The following PPARA variants were observed in gnomAD, a reference collection of about 807,000 sequenced individuals.
The protein encoded by PPARA is peroxisome proliferator-activated receptor alpha.
A neutral mutation model predicts 42.2 loss-of-function variants in PPARA; 22 were observed. That is an observed-to-expected ratio of 0.52 (90% CI 0.37 to 0.74). The LOEUF is 0.74. PPARA is among the 30% of genes least tolerant of loss of function. The pLI, the probability that PPARA is intolerant of heterozygous loss-of-function variation, is 0.00. For synonymous variants in PPARA, 242 were observed against 239.3 expected (o/e 1.01, Z -0.10); for missense variants, 465 against 608.2 (o/e 0.76, Z 2.48).
At chr22:46,177,084 G>A (rs866822500) in intron 3 of PPARA, among the ~76,000 whole-genome samples, 10 of 152,044 alleles carry the variant, frequency 6.6e-5, no homozygotes, top group Non-Finnish European at 8.8e-5. Context: ...GGTGGCAGGC[G>A]CCTGTAGTCC....
Position 46,163,457 on chromosome 22 carries a change from T to C in PPARA, c.-127+11487T>C, listed in dbSNP as rs1160415384. 6.6e-6 allele frequency: 1 copy of C among 152,218 alleles called. No homozygotes were observed. Among genetic ancestry groups the C allele is most frequent in the Admixed American group, 6.5e-5 (1 of 15,278 alleles). The allele number at this position is 152,218 out of a possible 1,614,324, so 9.4% of individuals were successfully genotyped here. A position where few individuals can be genotyped will look rare whatever the true frequency, so the allele number is the denominator to read the frequency against. On this transcript the variant is annotated intron_variant, in intron 2 of 8. Transcript: ENST00000407236. The surrounding 1 kb of genome is among the most constrained non-coding windows in gnomAD (Gnocchi z 4.9). ...CAGCCTTTGCTCCGTCACTGATAGTTCTAGCCTGAAAAGCAAATGAGCCCT... is the reference window on the plus strand; with the variant it reads ...CAGCCTTTGCTCCGTCACTGATAGTCCTAGCCTGAAAAGCAAATGAGCCCT...
intron 2 of PPARA, among the ~76,000 whole-genome samples, chr22:46,169,099 C>T (rs187461166): frequency 3.3e-5 from 5 of 151,814 alleles, no homozygotes; most frequent in Admixed American, 2.0e-4. Flanking sequence ...TGTATGGTAC[C>T]GTAACGATGA....
Position 46,207,670 on chromosome 22 carries a change from TATTA to T in PPARA, c.209-7502_209-7499del, listed in dbSNP as rs1433628720. Among the ~76,000 whole-genome samples, 94 of 114,102 alleles carry T rather than the reference TATTA, an allele frequency of 8.2e-4. 2 individuals carry two copies. The highest frequency in any genetic ancestry group is 4.0e-3 in the African/African-American group (89 of 22,230). The allele number at this position is 114,102 out of a possible 152,430, so 74.9% of individuals were successfully genotyped here. On this transcript the variant is annotated intron_variant, in intron 4 of 8. Transcript: ENST00000407236. ...TTATTATTATTATTATTATTATTAT[TATTA>T]TTATTTTTTTTTTTTTTTTTTTTTT...
chr22:46,174,276 A>AGGAAGGAAGGAAGGAAGG (rs1236515954), intron 2 of PPARA, among the ~76,000 whole-genome samples: 31 of 150,638 alleles, frequency 2.1e-4, no homozygotes, highest in Non-Finnish European at 3.1e-4. Flanking sequence ...GAAGGAAGGA[A>AGGAAGGAAGGAAGGAAGG]ATTATGATAA....
chr22:46,174,190 A>AGAGAGAGAG (rs1569196606), intron 2 of PPARA, among the ~76,000 whole-genome samples: 1 of 126,814 alleles, frequency 7.9e-6, no homozygotes, highest in Non-Finnish European at 1.6e-5. Context: ...AGAAGGAAGA[A>AGAGAGAGAG]AGAGAGAGAG....
chr22:46,216,606 G>A lies in PPARA; in HGVS notation c.369+1273G>A, dbSNP rs1934515450. Among the ~76,000 whole-genome samples, 1 of 152,176 alleles carries A rather than the reference G, an allele frequency of 6.6e-6. No homozygotes were observed. The highest frequency in any genetic ancestry group is 2.1e-4 in the South Asian group (1 of 4,834). ...CAGCAGGGACTGGAACCAGAGACTG[G>A]CTGCTCCTGCTCCCCAGCAGTTCCT... On this transcript the variant is annotated intron_variant, in intron 5 of 8. Coordinates refer to ENST00000407236, the MANE Select transcript of PPARA (RefSeq NM_005036.6). The surrounding 1 kb of genome is among the most constrained non-coding windows in gnomAD (Gnocchi z 4.5).
At chr22:46,166,231 AT>A (rs772168855) in intron 2 of PPARA, among the ~76,000 whole-genome samples, 1 of 152,172 alleles carries the variant, frequency 6.6e-6, no homozygotes, top group East Asian at 1.9e-4. Context: ...GTCCCTGAGC[AT>A]CTGTCGGTCA....
chr22:46,154,710 T>A (rs922399993), intron 2 of PPARA, among the ~76,000 whole-genome samples: 2 of 151,864 alleles, frequency 1.3e-5, no homozygotes, highest in Non-Finnish European at 2.9e-5. Context: ...TCTCACTGTG[T>A]CACCTAGGCT....
chr22:46,209,280 A>G (rs1933699117), intron 4 of PPARA, among the ~76,000 whole-genome samples: 2 of 152,006 alleles, frequency 1.3e-5, no homozygotes, highest in Admixed American at 6.6e-5. Context: ...CTTTCTTACC[A>G]ATTCTGAACC....
rs1267573955 is a variant in PPARA at position 46,167,263 on chromosome 22, A to G, written c.-126-9490A>G. Among the ~76,000 whole-genome samples the G allele has an allele frequency of 6.6e-6, 1 of 150,910 alleles. No individual in the cohort carries two copies. Among genetic ancestry groups the G allele is most frequent in the African/African-American group, 2.4e-5 (1 of 41,168 alleles). On this transcript the variant is annotated intron_variant, in intron 2 of 8. Transcript: ENST00000407236. The surrounding 1 kb of genome is among the most constrained non-coding windows in gnomAD (Gnocchi z 4.1). ...TATTATACTATTATGTAATAATAGT[A>G]TATATCATGTTACATATTATATTAT...
At chr22:46,168,127 T>TTGCTTGAGCCCA (rs1927361923) in intron 2 of PPARA, among the ~76,000 whole-genome samples, 1 of 147,768 alleles carries the variant, frequency 6.8e-6, no homozygotes, top group Non-Finnish European at 1.5e-5. Flanking sequence ...CTGAAGCAGG[T>TTGCTTGAGCCCA]GGATCACAAG....
chr22:46,158,457 G>A (rs1248631331), intron 2 of PPARA, among the ~76,000 whole-genome samples: 1 of 152,154 alleles, frequency 6.6e-6, no homozygotes, highest in African/African-American at 2.4e-5. Flanking sequence ...TGATAACCAC[G>A]CCAAGGTGAC....
At position 46,218,266 on chromosome 22, in the gene PPARA, T is replaced by G; in HGVS notation, c.373T>G (p.Phe125Val). The part of the protein sequence containing the change: ...GVHACEGCKG[F>V]FRRTIRLKLV... ...CCACTGTGTATTACCCTCACAGGGC[T>G]TCTTTCGGCGAACGATTCGACTCAA... The change falls in exon 6 of 9, where the codon TTC becomes GTC. Residue 125 changes from phenylalanine to valine, a missense_variant. By Grantham distance (50) the Phe-to-Val change is conservative (BLOSUM62 -1). Around this residue, in one of 2 missense-constraint regions of PPARA, gnomAD observed 313 missense variants for 469.1 expected, o/e 0.67. Coordinates refer to ENST00000407236, the MANE Select transcript of PPARA (RefSeq NM_005036.6). 1 of 1,614,178 alleles carries G rather than the reference T, an allele frequency of 6.2e-7. No homozygotes were observed. Among genetic ancestry groups the G allele is most frequent in the Non-Finnish European group, 8.5e-7 (1 of 1,180,034 alleles).
Position 46,163,121 on chromosome 22 carries a change from G to T in PPARA, c.-127+11151G>T, listed in dbSNP as rs981882997. Among the ~76,000 whole-genome samples, 1 of 152,206 alleles carries T rather than the reference G, an allele frequency of 6.6e-6. No homozygotes were observed. Among genetic ancestry groups the T allele is most frequent in the African/African-American group, 2.4e-5 (1 of 41,452 alleles). ...GCGGGGACAGAGGGTCACGGAGGTC[G>T]CAGGGGCGTGTGTGCAGCACCTGCC... On this transcript the variant is annotated intron_variant, in intron 2 of 8. Transcript: ENST00000407236. The surrounding 1 kb of genome is among the most constrained non-coding windows in gnomAD (Gnocchi z 4.9).
In PPARA at chr22:46,239,046, A is replaced by G. The variant is rs1936296772; in HGVS notation, c.*3666A>G. 1 of 152,228 alleles carries G rather than the reference A, an allele frequency of 6.6e-6. No homozygotes were observed. The highest frequency in any genetic ancestry group is 1.5e-5 in the Non-Finnish European group (1 of 68,072). 9.4% of individuals were successfully genotyped at this position (152,228 alleles called of 1,614,324 possible). A position where few individuals can be genotyped will look rare whatever the true frequency, so the allele number is the denominator to read the frequency against. On this transcript the variant is annotated 3_prime_UTR_variant, in exon 9 of 9. Coordinates refer to ENST00000407236, the MANE Select transcript of PPARA (RefSeq NM_005036.6). ...TGCTATACGAACATAATGGACGTGAAGTGGGGCAGAAACCCAGAACTCAGC... is the reference window on the plus strand; with the variant it reads ...TGCTATACGAACATAATGGACGTGAGGTGGGGCAGAAACCCAGAACTCAGC...
In PPARA at chr22:46,180,628, C is replaced by T. The variant is rs1336138435; in HGVS notation, c.-43+3792C>T. On this transcript the variant is annotated intron_variant, in intron 3 of 8. Transcript: ENST00000407236. The surrounding 1 kb of genome is among the most constrained non-coding windows in gnomAD (Gnocchi z 4.2). The stretch of plus-strand genomic sequence containing the variant: ...CGGCCTTTATTCTCACTTCTGTATG[C>T]CTGCTTCCTGCCTCACATATTTCCT... 6.6e-6 allele frequency among the ~76,000 whole-genome samples: 1 copy of T among 152,162 alleles called. No homozygotes were observed. Among genetic ancestry groups the T allele is most frequent in the Non-Finnish European group, 1.5e-5 (1 of 68,022 alleles).
At chr22:46,223,666 A>T (rs1216419781) in intron 7 of PPARA, among the ~76,000 whole-genome samples, 1 of 133,682 alleles carries the variant, frequency 7.5e-6, no homozygotes, top group Non-Finnish European at 1.6e-5. Flanking sequence ...AAAGAGGGCC[A>T]GGCGTGGTTG....
chr22:46,235,273 C>CG lies in PPARA; in HGVS notation c.1302dup (p.Gln435AlafsTer70), dbSNP rs2147721532. 2 of 1,614,058 alleles carry CG rather than the reference C, an allele frequency of 1.2e-6. No individual in the cohort carries two copies. Among genetic ancestry groups the CG allele is most frequent in the Non-Finnish European group, 1.7e-6 (2 of 1,180,042 alleles). ...ACTTCTTCAAAAAATGGCAGACCTC[C>CG]GGCAGCTGGTGACGGAGCATGCGCA... On this transcript the variant is annotated frameshift_variant, in exon 9 of 9. Transcript: ENST00000407236. LOFTEE classifies it high-confidence loss of function. The surrounding 1 kb of genome is among the most constrained non-coding windows in gnomAD (Gnocchi z 7.0).
rs1369108201 is a variant in PPARA at position 46,237,507 on chromosome 22, A to C, written c.*2127A>C. On this transcript the variant is annotated 3_prime_UTR_variant, in exon 9 of 9. Coordinates refer to ENST00000407236, the MANE Select transcript of PPARA (RefSeq NM_005036.6). This position sits in a 1 kb window ranked among gnomAD's most constrained non-coding sequence, Gnocchi z 6.7. ...CAGCTACTCTGCAGGCTGAGGTGGG[A>C]GGATTGCTTGAACCCAGGAGGTCGA... 1 of 152,220 alleles carries C rather than the reference A, an allele frequency of 6.6e-6. No homozygotes were observed. The highest frequency in any genetic ancestry group is 1.9e-4 in the East Asian group (1 of 5,168). 9.4% of individuals were successfully genotyped at this position (152,220 alleles called of 1,614,324 possible). A position where few individuals can be genotyped will look rare whatever the true frequency, so the allele number is the denominator to read the frequency against.
Sources: gnomAD v4.1 joint callset for allele counts (sites outside exome capture counted in the v4.1 genomes callset) on GRCh38, gnomAD v4.1.1 for gene constraint, gnomAD v4.1.1 regional missense constraint, Gnocchi (gnomAD v3.1) non-coding constraint, MANE v1.5 for transcripts, NCBI Gene and HGNC (gene_info 2026-07-23, HGNC 2026-07-21) for gene names.